Variants in RNF19A observed in about 807,000 individuals in gnomAD.
RNF19A encodes ring finger protein 19A, RBR E3 ubiquitin protein ligase.
RNF19A carries 32 observed loss-of-function variants against 75.7 expected under a neutral mutation model. That is an observed-to-expected ratio of 0.42 (90% CI 0.32 to 0.57). The LOEUF (loss-of-function observed/expected upper bound fraction) is 0.57. RNF19A is among the 20% of genes least tolerant of loss of function. The pLI is 0.10. For missense variants in RNF19A, 782 were observed against 1,036.3 expected (o/e 0.75, Z 3.37); for synonymous variants, 335 against 345.2 (o/e 0.97, Z 0.33).
intron 2 of RNF19A, among the ~76,000 whole-genome samples, chr8:100,285,953 A>C (rs1411631900): frequency 6.6e-6 from 1 of 152,188 alleles, no homozygotes; most frequent in African/African-American, 2.4e-5. Flanking sequence ...TTGCTATGGG[A>C]GTATTTGTTA....
At chr8:100,303,844 T>A (rs1821951718) in intron 1 of RNF19A, among the ~76,000 whole-genome samples, 1 of 150,842 alleles carries the variant, frequency 6.6e-6, no homozygotes, top group Admixed American at 6.6e-5. Context: ...GGCTGAGGAA[T>A]GAGAATCGTT....
chr8:100,269,054 G>C lies in RNF19A; in HGVS notation c.1029-107C>G. ...ATTTTTAAAAACTTCTCATAGTTAGGAGCTTTTTTCCCCTTTAAATTCTGA... is the reference window on the plus strand; with the variant it reads ...ATTTTTAAAAACTTCTCATAGTTAGCAGCTTTTTTCCCCTTTAAATTCTGA... On this transcript the variant is annotated intron_variant, in intron 4 of 9. Transcript: ENST00000341084. The surrounding 1 kb of genome is among the most constrained non-coding windows in gnomAD (Gnocchi z 5.7). 3 of 814,744 alleles carry C rather than the reference G, an allele frequency of 3.7e-6. No individual in the cohort carries two copies. The highest frequency in any genetic ancestry group is 5.3e-6 in the Non-Finnish European group (3 of 568,270). The allele number at this position is 814,744 out of a possible 1,614,324, so 50.5% of individuals were successfully genotyped here.
chr8:100,315,551 C>CT (rs1822360714), intron 1 of RNF19A, among the ~76,000 whole-genome samples: 1 of 152,222 alleles, frequency 6.6e-6, no homozygotes, highest in South Asian at 2.1e-4. Context: ...CTTCTTGACT[C>CT]TCCTCCTTAC....
chr8:100,265,243 A>T (rs934353128), intron 5 of RNF19A, among the ~76,000 whole-genome samples: 2 of 152,228 alleles, frequency 1.3e-5, no homozygotes, highest in African/African-American at 4.8e-5. Context: ...TGACCTTAAA[A>T]AGCAGTTCTA....
Position 100,288,064 on chromosome 8 carries a change from T to C in RNF19A, c.111A>G (p.Gln37=), listed in dbSNP as rs775799998. 1 of 1,614,180 alleles carries C rather than the reference T, an allele frequency of 6.2e-7. No homozygotes were observed. The highest frequency in any genetic ancestry group is 8.5e-7 in the Non-Finnish European group (1 of 1,180,026). ...ACTGAAGATCTCGATCTGAACCCAT[T>C]TGCCGATGTAAACTCATGTCTAAAA... ...TSILDMSLHR[Q]MGSDRDLQSS... is the part of the protein sequence containing the mutation. The change falls in exon 2 of 10, where the codon CAA becomes CAG. Residue 37 remains glutamine (Q), a synonymous_variant. Coordinates refer to ENST00000341084, the MANE Select transcript of RNF19A (RefSeq NM_183419.4).
intron 1 of RNF19A, among the ~76,000 whole-genome samples, chr8:100,320,306 A>G (rs2130347959): frequency 6.6e-6 from 1 of 152,268 alleles, no homozygotes; most frequent in South Asian, 2.1e-4. Context: ...CAACAACAAC[A>G]AAACACTATT....
At position 100,284,587 on chromosome 8, in the gene RNF19A, G is replaced by A. The variant is rs1021755163; in HGVS notation, c.674+2914C>T. Among the ~76,000 whole-genome samples the A allele has an allele frequency of 7.9e-5, 12 of 151,982 alleles. No homozygotes were observed. Among genetic ancestry groups the A allele is most frequent in the African/African-American group, 2.9e-4 (12 of 41,396 alleles). On this transcript the variant is annotated intron_variant, in intron 2 of 9. Transcript: ENST00000341084. The surrounding 1 kb of genome is among the most constrained non-coding windows in gnomAD (Gnocchi z 4.3). ...ACGTGGTTGTTTTCATAGTAACAGA[G>A]TCTAGTAAAGCAAGTGTTTCTATTA...
At position 100,329,410 on chromosome 8, in the gene RNF19A, G is replaced by A. The variant is rs1433588932; in HGVS notation, c.-243+6698C>T. ...ATGTTCACAAGCTCAAAATGAGTGA[G>A]TTGTGATACAGTGCTGCAAAAACAA... On this transcript the variant is annotated intron_variant, in intron 1 of 3. Coordinates refer to the RNF19A transcript ENST00000519527. The surrounding 1 kb of genome is among the most constrained non-coding windows in gnomAD (Gnocchi z 4.3). Among the ~76,000 whole-genome samples, 1 of 151,974 alleles carries A rather than the reference G, an allele frequency of 6.6e-6. No individual in the cohort carries two copies. Among genetic ancestry groups the A allele is most frequent in the Non-Finnish European group, 1.5e-5 (1 of 67,996 alleles).
rs769488802 is a variant in RNF19A, at chr8:100,293,034, T to C, written c.-93-4767A>G. On this transcript the variant is annotated intron_variant, in intron 1 of 9. Transcript: ENST00000341084. ...TCAGGCATTATATTCTCATATGGAG[T>C]GTGCCATCTAGATCCCTCGAGTGCA... Among the ~76,000 whole-genome samples the C allele has an allele frequency of 2.6e-4, 39 of 152,060 alleles. 1 individual carries two copies. Among genetic ancestry groups the C allele is most frequent in the Non-Finnish European group, 1.8e-4 (12 of 68,024 alleles).
intron 1 of RNF19A, among the ~76,000 whole-genome samples, chr8:100,328,766 G>A (rs1250019866): frequency 6.6e-6 from 1 of 152,186 alleles, no homozygotes; most frequent in African/African-American, 2.4e-5. Flanking sequence ...CACCGCACCT[G>A]GTCTGCGTTA....
Position 100,323,220 on chromosome 8 carries a change from C to CA in RNF19A, c.-242-9849dup, listed in dbSNP as rs2130363075. ...TTTTAAGATGATGGGATATAGGACT[C>CA]AATGGTTTTTATTTGAAGGTAGTAT... On this transcript the variant is annotated intron_variant, in intron 1 of 3. Transcript: ENST00000519527. This position sits in a 1 kb window ranked among gnomAD's most constrained non-coding sequence, Gnocchi z 4.6. Among the ~76,000 whole-genome samples the CA allele has an allele frequency of 6.6e-6, 1 of 152,172 alleles. No individual in the cohort carries two copies. The highest frequency in any genetic ancestry group is 2.1e-4 in the South Asian group (1 of 4,822).
intron 1 of RNF19A, among the ~76,000 whole-genome samples, chr8:100,292,435 G>GGGGGGTGTGTGT (rs137938989): frequency 2.8e-5 from 4 of 145,332 alleles, no homozygotes; most frequent in South Asian, 2.2e-4. Flanking sequence ...CTATCATATG[G>GGGGGGTGTGTGT]GTGTGTGTGT....
At chr8:100,290,044 A>C (rs965005212) in intron 1 of RNF19A, among the ~76,000 whole-genome samples, 10 of 152,194 alleles carry the variant, frequency 6.6e-5, no homozygotes, top group African/African-American at 2.4e-4. Flanking sequence ...AAAAAGTTCC[A>C]AACAGAGAGA....
rs60819091 is a variant in RNF19A, at chr8:100,308,689, T to TA, written c.-94+1177dup. ...AAAAAATGAAAAGAACCATGTTCTTTAAAAAAAAAAAATGTGGAATGTAAA... is the reference window on the plus strand; with the variant it reads ...AAAAAATGAAAAGAACCATGTTCTTTAAAAAAAAAAAAATGTGGAATGTAAA... On this transcript the variant is annotated intron_variant, in intron 1 of 9. Coordinates refer to ENST00000341084, the MANE Select transcript of RNF19A (RefSeq NM_183419.4). Among the ~76,000 whole-genome samples, 1,479 of 149,110 alleles carry TA rather than the reference T, an allele frequency of 9.9e-3. 21 individuals are homozygous for TA. The highest frequency in any genetic ancestry group is 0.033 in the African/African-American group (1,359 of 40,578).
At chr8:100,277,664 A>T (rs1218551313) in intron 2 of RNF19A, among the ~76,000 whole-genome samples, 2 of 152,336 alleles carry the variant, frequency 1.3e-5, no homozygotes, top group East Asian at 3.9e-4. Flanking sequence ...ATATGTTCAA[A>T]CAGGACTGAA....
Position 100,261,530 on chromosome 8 carries a change from C to T in RNF19A, c.1682+12G>A. 1 of 1,612,642 alleles carries T rather than the reference C, an allele frequency of 6.2e-7. No individual in the cohort carries two copies. The highest frequency in any genetic ancestry group is 1.7e-4 in the Middle Eastern group (1 of 5,880). On this transcript the variant is annotated intron_variant, in intron 8 of 9. Transcript: ENST00000341084. The surrounding 1 kb of genome is among the most constrained non-coding windows in gnomAD (Gnocchi z 4.4). ...ACCAGAAAGCAGAACCAAACCAAAC[C>T]AAAACACACACCTGTTAAAACAGTT...
At chr8:100,306,291 A>C (rs1050499550) in intron 1 of RNF19A, among the ~76,000 whole-genome samples, 5 of 152,252 alleles carry the variant, frequency 3.3e-5, no homozygotes, top group African/African-American at 1.2e-4. Flanking sequence ...AATTCAATGC[A>C]CAAACTTATT....
At chr8:100,312,978 A>G (rs1822323467), upstream of RNF19A, among the ~76,000 whole-genome samples, 1 of 152,222 alleles carries the variant, frequency 6.6e-6, no homozygotes, top group Non-Finnish European at 1.5e-5. Flanking sequence ...TTTCCAGGTA[A>G]TTGCAATGCA....
rs764511373 is a variant in RNF19A at position 100,260,603 on chromosome 8, C to G, written c.1683-606G>C. On this transcript the variant is annotated intron_variant, in intron 8 of 9. Transcript: ENST00000341084. This position sits in a 1 kb window ranked among gnomAD's most constrained non-coding sequence, Gnocchi z 4.1. ...CCTTTTTAAAAAGAGGTAGTATATA[C>G]CACTATAACTTAAGAGTTTGTATTT... is the stretch of plus-strand genomic sequence containing the variant. Among the ~76,000 whole-genome samples the G allele has an allele frequency of 1.3e-5, 2 of 151,982 alleles. No individual in the cohort carries two copies. The highest frequency in any genetic ancestry group is 4.8e-5 in the African/African-American group (2 of 41,350).
Sources: gnomAD v4.1 joint callset for allele counts (sites outside exome capture counted in the v4.1 genomes callset) on GRCh38, gnomAD v4.1.1 for gene constraint, Gnocchi (gnomAD v3.1) non-coding constraint, MANE v1.5 for transcripts, NCBI Gene and HGNC (gene_info 2026-07-23, HGNC 2026-07-21) for gene names.